Variants in TNRC6A observed in about 807,000 individuals in gnomAD.
The protein encoded by TNRC6A is trinucleotide repeat containing adaptor 6A.
TNRC6A carries 44 observed loss-of-function variants against 221.2 expected under a neutral mutation model. The observed-to-expected ratio is 0.20, with a 90% CI of 0.16 to 0.26. TNRC6A has a LOEUF of 0.26. Among genes scored for constraint, TNRC6A ranks in the 10% least tolerant of loss-of-function variants. The pLI, the probability that TNRC6A is intolerant of heterozygous loss-of-function variation, is 1.00. For synonymous variants in TNRC6A, 847 were observed against 838.5 expected (o/e 1.01, Z -0.18); for missense variants, 2,199 against 2,404.4 (o/e 0.91, Z 1.79).
At chr16:24,794,397 T>C (rs1016381569) in intron 7 of TNRC6A, 147 bp from the exon 8 acceptor site, 5 of 676,596 alleles carry the variant, frequency 7.4e-6, no homozygotes, top group Admixed American at 3.5e-5. Context: ...AAACATACTT[T>C]CCTTCTGTGC....
At chr16:24,656,141 CAAA>C (rs551183501) in intron 2 of TNRC6A, among the ~76,000 whole-genome samples, 5 of 112,632 alleles carry the variant, frequency 4.4e-5, no homozygotes, top group Admixed American at 1.9e-4. Flanking sequence ...GACCTTGTCT[CAAA>C]AAAAAAAAAA....
At chr16:24,774,543 CTTTG>C (rs1328327056) in intron 4 of TNRC6A, among the ~76,000 whole-genome samples, 2 of 152,222 alleles carry the variant, frequency 1.3e-5, no homozygotes, top group Non-Finnish European at 2.9e-5. Context: ...TTCTCACAGA[CTTTG>C]TTTGGACCTA....
At chr16:24,626,984 C>A (rs190537378) in intron 1 of TNRC6A, among the ~76,000 whole-genome samples, 1 of 148,158 alleles carries the variant, frequency 6.7e-6, no homozygotes, top group Admixed American at 6.8e-5. Context: ...TCTACAAATT[C>A]CTTTCTCTAG....
intron 14 of TNRC6A, 70 bp downstream of exon 14, chr16:24,805,221 A>G (rs998371459): frequency 5.1e-6 from 8 of 1,578,214 alleles, no homozygotes; most frequent in African/African-American, 2.7e-5. Flanking sequence ...GTATTTGAAT[A>G]AAATGGCTAA....
At position 24,789,792 on chromosome 16, in the gene TNRC6A, G is replaced by T. The variant is rs200041337; in HGVS notation, c.1150G>T (p.Val384Leu). Residue 384 changes from valine (V) to leucine (L), a missense_variant, in exon 6 of 25, where the codon GTA (valine) becomes TTA (leucine). By Grantham distance (32) the Val-to-Leu change is conservative. This residue lies in a region of TNRC6A where 1,405 missense variants were observed against 1,400.2 expected (regional missense o/e 1.00). Coordinates refer to ENST00000395799, the MANE Select transcript of TNRC6A (RefSeq NM_014494.4). ...ENNGLALKGP[V>L]GSGSSGINIQ... Reference sequence around the variant, plus strand: ...CAATGGACTTGCCCTAAAAGGGCCTGTAGGGAGTGGTAGTTCTGGCATTAA... The same window carrying T: ...CAATGGACTTGCCCTAAAAGGGCCTTTAGGGAGTGGTAGTTCTGGCATTAA... 1 of 1,614,052 alleles carries T rather than the reference G, an allele frequency of 6.2e-7. No individual in the cohort carries two copies. The highest frequency in any genetic ancestry group is 8.5e-7 in the Non-Finnish European group (1 of 1,180,022).
rs1299518912 is a variant in TNRC6A, at chr16:24,789,437, G to C, written c.795G>C (p.Glu265Asp). The C allele has an allele frequency of 1.9e-6, 3 of 1,614,108 alleles. No homozygotes were observed. Among genetic ancestry groups the C allele is most frequent in the Non-Finnish European group, 2.5e-6 (3 of 1,180,054 alleles). ...ATTCTGCCTCCAGTTCTGAATCAGAGAGAAACATCACTATCATGGCTTCAG... is the reference window on the plus strand; with the variant it reads ...ATTCTGCCTCCAGTTCTGAATCAGACAGAAACATCACTATCATGGCTTCAG... ...DADSASSSES[E>D]RNITIMASGN... Residue 265 changes from glutamate to aspartate, a missense_variant, in exon 6 of 25, where the codon GAG becomes GAC. Coordinates refer to ENST00000395799, the MANE Select transcript of TNRC6A (RefSeq NM_014494.4).
intron 4 of TNRC6A, among the ~76,000 whole-genome samples, chr16:24,768,159 C>T (rs959229830): frequency 6.6e-6 from 1 of 152,058 alleles, no homozygotes; most frequent in African/African-American, 2.4e-5. Context: ...GGGCCGGGCG[C>T]GGTGGCTCAT....
intron 2 of TNRC6A, among the ~76,000 whole-genome samples, chr16:24,700,204 G>A (rs968411553): frequency 6.6e-6 from 1 of 152,098 alleles, no homozygotes; most frequent in Non-Finnish European, 1.5e-5. Context: ...TTCAAGACCA[G>A]CCTGGGCAAC....
At position 24,791,696 on chromosome 16, in the gene TNRC6A, T is replaced by C. The variant is rs779495078; in HGVS notation, c.3054T>C (p.Asn1018=). 2.4e-5 allele frequency: 38 copies of C among 1,613,582 alleles called. No homozygotes were observed. The East Asian group carries it at 6.9e-4, about 29-fold the overall frequency. Residue 1018 remains asparagine (N), a synonymous_variant, in exon 6 of 25, where the codon AAT becomes AAC. Coordinates refer to ENST00000395799, the MANE Select transcript of TNRC6A (RefSeq NM_014494.4). ...ATCCAAGCAAATACAACTACAAAAA[T>C]GTGAACATGTGGAACAAAAACGTCC... ...WGDPSKYNYK[N]VNMWNKNVPN... is the part of the protein sequence containing the mutation.
intron 2 of TNRC6A, among the ~76,000 whole-genome samples, chr16:24,716,677 A>T (rs962037452): frequency 6.6e-6 from 1 of 152,014 alleles, no homozygotes; most frequent in Non-Finnish European, 1.5e-5. Context: ...AAGAAAAAAA[A>T]GTCTGGGCAT....
At chr16:24,741,444 A>G (rs1467376293) in intron 2 of TNRC6A, among the ~76,000 whole-genome samples, 3 of 152,070 alleles carry the variant, frequency 2.0e-5, no homozygotes, top group Non-Finnish European at 4.4e-5. Flanking sequence ...GTTGATTTTC[A>G]TGTTAAACCA....
intron 2 of TNRC6A, among the ~76,000 whole-genome samples, chr16:24,702,962 G>A (rs1048258748): frequency 2.6e-5 from 4 of 152,026 alleles, no homozygotes; most frequent in Non-Finnish European, 5.9e-5. Flanking sequence ...GTGAACCCAG[G>A]AGGCAGAGCT....
chr16:24,771,578 TATGTTG>T (rs2057602513), intron 4 of TNRC6A, among the ~76,000 whole-genome samples: 1 of 126,026 alleles, frequency 7.9e-6, no homozygotes, highest in African/African-American at 3.1e-5. Context: ...TATGTTATGT[TATGTTG>T]TTATGTTATG....
chr16:24,642,941 G>A (rs949517253), intron 2 of TNRC6A, among the ~76,000 whole-genome samples: 10 of 151,208 alleles, frequency 6.6e-5, no homozygotes, highest in African/African-American at 2.4e-4. Context: ...CTACTTGGGA[G>A]ATTGAGGTGG....
Position 24,777,178 on chromosome 16 carries a change from C to T in TNRC6A, c.409C>T (p.Pro137Ser). 1 of 1,614,156 alleles carries T rather than the reference C, an allele frequency of 6.2e-7. No individual in the cohort carries two copies. Among genetic ancestry groups the T allele is most frequent in the Non-Finnish European group, 8.5e-7 (1 of 1,180,028 alleles). The change falls in exon 5 of 25, where the codon CCT (proline) becomes TCT (serine). Residue 137 changes from proline (P) to serine (S), a missense_variant. Physicochemically the swap from Pro to Ser is moderately conservative, Grantham distance 74. Coordinates refer to ENST00000395799, the MANE Select transcript of TNRC6A (RefSeq NM_014494.4). Reference sequence around the variant, plus strand: ...CTTGCCTCGGTATCCTCGTGAAGTACCTCCACGATTTCGCCACCAGGAACA... The same window carrying T: ...CTTGCCTCGGTATCCTCGTGAAGTATCTCCACGATTTCGCCACCAGGAACA... ...QALPRYPREV[P>S]PRFRHQEHKQ...
intron 2 of TNRC6A, among the ~76,000 whole-genome samples, chr16:24,655,457 G>A (rs1282104426): frequency 2.6e-5 from 4 of 152,228 alleles, no homozygotes; most frequent in African/African-American, 7.2e-5. Flanking sequence ...GGGAGGCCAA[G>A]GCGTGTGGAT....
intron 16 of TNRC6A, 46 bp downstream of exon 16, chr16:24,806,329 ACT>A (rs954587075): frequency 8.1e-6 from 13 of 1,601,604 alleles, no homozygotes; most frequent in Admixed American, 1.7e-5. Flanking sequence ...GTGTTAATAA[ACT>A]CTGCTTATCT....
In TNRC6A at chr16:24,826,170, T is replaced by C. The variant is rs1437409643; in HGVS notation, c.*2363T>C. On this transcript the variant is annotated 3_prime_UTR_variant, in exon 25 of 25. Transcript: ENST00000395799. ...GCGTTAATTGTATTGTTAAAGTGTT[T>C]GGGAGTTTTTTGCGCTTGTTATGTG... The C allele has an allele frequency of 1.3e-5, 2 of 152,686 alleles. No individual in the cohort carries two copies. The highest frequency in any genetic ancestry group is 2.4e-5 in the African/African-American group (1 of 41,474). 9.5% of individuals were successfully genotyped at this position (152,686 alleles called of 1,614,324 possible).
Position 24,805,044 on chromosome 16 carries a change from AAC to A in TNRC6A, c.4019_4020del (p.Thr1340SerfsTer16). 1 of 1,614,152 alleles carries A rather than the reference AAC, an allele frequency of 6.2e-7. No individual in the cohort carries two copies. The highest frequency in any genetic ancestry group is 8.5e-7 in the Non-Finnish European group (1 of 1,180,024). ...NGNPSMFGVG[N>X]TAAQPRGMQQ... ...CAATCCCAGTATGTTTGGTGTTGGA[AAC>A]ACAGCAGCACAACCCCGGGGCATGC... On this transcript the variant is annotated frameshift_variant, in exon 14 of 25. Coordinates refer to ENST00000395799, the MANE Select transcript of TNRC6A (RefSeq NM_014494.4). LOFTEE classifies it high-confidence loss of function.
Sources: allele counts gnomAD v4.1 joint callset (sites outside exome capture counted in the v4.1 genomes callset), GRCh38; gene constraint gnomAD v4.1.1; regional missense constraint gnomAD v4.1.1; transcripts MANE v1.5; gene names NCBI Gene and HGNC (gene_info 2026-07-23, HGNC 2026-07-21).